FAM220A: variants seen among roughly 807,000 people sequenced by gnomAD.
FAM220A encodes the protein family with sequence similarity 220 member A.
For synonymous variants in FAM220A, 141 were observed against 130.7 expected (o/e 1.08, Z -0.54); for missense variants, 392 against 321.6 (o/e 1.22, Z -1.68).
intron 1 of FAM220A, among the ~76,000 whole-genome samples, chr7:6,339,265 G>A (rs1039796630): frequency 1.3e-5 from 2 of 151,902 alleles, no homozygotes; most frequent in East Asian, 3.9e-4. Context: ...CCTAGGAGCC[G>A]GAGACCAGCC....
intron 1 of FAM220A, among the ~76,000 whole-genome samples, chr7:6,335,241 A>T (rs554965550): frequency 2.1e-5 from 3 of 145,206 alleles, no homozygotes; most frequent in Non-Finnish European, 3.0e-5. Context: ...TTTTTTTTTT[A>T]AATGGAGTCT....
At chr7:6,343,528 G>C (rs370356482) in intron 1 of FAM220A, among the ~76,000 whole-genome samples, 47 of 149,268 alleles carry the variant, frequency 3.1e-4, no homozygotes, top group African/African-American at 1.1e-3. Context: ...AATTATAGCA[G>C]ATTCACAGTA....
chr7:6,345,040 G>A (rs1038608224), intron 1 of FAM220A, among the ~76,000 whole-genome samples: 22 of 151,722 alleles, frequency 1.5e-4, no homozygotes, highest in African/African-American at 5.1e-4. Flanking sequence ...CACCACGCCC[G>A]GCCACTGCGC....
intron 1 of FAM220A, among the ~76,000 whole-genome samples, chr7:6,333,413 A>C (rs753280330): frequency 6.6e-6 from 1 of 152,130 alleles, no homozygotes; most frequent in Non-Finnish European, 1.5e-5. Flanking sequence ...GAATAGACAC[A>C]CTAGTTAGGA....
chr7:6,344,789 G>A (rs1251814543), intron 1 of FAM220A, among the ~76,000 whole-genome samples: 1 of 152,028 alleles, frequency 6.6e-6, no homozygotes, highest in Admixed American at 6.6e-5. Flanking sequence ...TGCCCAGGCT[G>A]GAGTGCAATG....
Position 6,348,881 on chromosome 7 carries a change from C to A in FAM220A, c.-390G>T, listed in dbSNP as rs1051656585. On this transcript the variant is annotated 5_prime_UTR_variant, in exon 1 of 2. Coordinates refer to ENST00000313324, the MANE Select transcript of FAM220A (RefSeq NM_001037163.2). Reference sequence around the variant, plus strand: ...GGCGGCGGCTAGACCGGCGGGCGGGCGGGCCGCAGTGGAGCGGAGTCCGCA... The same window carrying A: ...GGCGGCGGCTAGACCGGCGGGCGGGAGGGCCGCAGTGGAGCGGAGTCCGCA... The A allele has an allele frequency of 1.8e-5, 7 of 388,362 alleles. No individual in the cohort carries two copies. Among genetic ancestry groups the A allele is most frequent in the African/African-American group, 1.2e-4 (6 of 48,178 alleles). The allele number at this position is 388,362 out of a possible 1,614,324, so 24.1% of individuals were successfully genotyped here.
chr7:6,333,883 T>G lies in FAM220A; in HGVS notation c.-81-2648A>C, dbSNP rs1178652284. On this transcript the variant is annotated intron_variant, in intron 1 of 1. Transcript: ENST00000313324. Reference sequence around the variant, plus strand: ...TTTTGAGACAGAGTCTTGCTCTTTTTTTGCCCAGGCTGGAGTGCAGTGGCG... The same window carrying G: ...TTTTGAGACAGAGTCTTGCTCTTTTGTTGCCCAGGCTGGAGTGCAGTGGCG... Among the ~76,000 whole-genome samples the G allele has an allele frequency of 2.6e-4, 38 of 147,080 alleles. No homozygotes were observed. The East Asian group carries it at 5.1e-3, about 20-fold the overall frequency.
At position 6,337,095 on chromosome 7, in the gene FAM220A, A is replaced by G. The variant is rs190042208; in HGVS notation, c.-81-5860T>C. On this transcript the variant is annotated intron_variant, in intron 1 of 1. Coordinates refer to ENST00000313324, the MANE Select transcript of FAM220A (RefSeq NM_001037163.2). ...ATTCTTTTTTTTTTTTTGAGACAAG[A>G]GTCTCTCTCTGTCTCGCCCAGGCTG... is the stretch of plus-strand genomic sequence containing the variant. Among the ~76,000 whole-genome samples, 562 of 148,474 alleles carry G rather than the reference A, an allele frequency of 3.8e-3. 3 individuals carry two copies. Among genetic ancestry groups the G allele is most frequent in the South Asian group, 0.013 (60 of 4,620 alleles).
At chr7:6,333,031 C>T (rs73339268) in intron 1 of FAM220A, among the ~76,000 whole-genome samples, 11,109 of 151,618 alleles carry the variant, frequency 0.073, 708 homozygotes, top group East Asian at 0.27. Flanking sequence ...CTGGCGGGTG[C>T]CTGTAATCCC....
In FAM220A at chr7:6,348,931, G is replaced by T. The variant is rs917131540; in HGVS notation, c.-440C>A. 6.8e-5 allele frequency: 26 copies of T among 382,926 alleles called. No homozygotes were observed. The highest frequency in any genetic ancestry group is 6.6e-4 in the Middle Eastern group (1 of 1,518). 23.7% of individuals were successfully genotyped at this position (382,926 alleles called of 1,614,324 possible). On this transcript the variant is annotated 5_prime_UTR_variant, in exon 1 of 2. Coordinates refer to ENST00000313324, the MANE Select transcript of FAM220A (RefSeq NM_001037163.2). ...ACGTCACGCTCGGAGAAGTGCCTCC[G>T]CGAGCAGCCGCCTGTACCAGCCTGG...
chr7:6,332,114 A>G (rs1310946161), intron 1 of FAM220A, among the ~76,000 whole-genome samples: 3 of 60,680 alleles, frequency 4.9e-5, no homozygotes, highest in East Asian at 8.3e-4. Context: ...CATCTCACGG[A>G]AAAAAAAAAA....
At chr7:6,332,796 T>G (rs1176003899) in intron 1 of FAM220A, among the ~76,000 whole-genome samples, 2 of 152,206 alleles carry the variant, frequency 1.3e-5, no homozygotes, top group East Asian at 3.8e-4. Context: ...GGTAGGAAAC[T>G]GCTGTTTCTC....
rs4724797 is a variant in FAM220A, at chr7:6,339,906, C to G, written c.-82+8667G>C. 3.1e-4 allele frequency among the ~76,000 whole-genome samples: 46 copies of G among 150,760 alleles called. 1 individual carries two copies. The East Asian group carries it at 7.1e-3, about 23-fold the overall frequency. Reference sequence around the variant, plus strand: ...CAGGCAACTGACTTTCCGCAGGGAGCATGAGTCTCACTCTGCCGCCCAGGC... The same window carrying G: ...CAGGCAACTGACTTTCCGCAGGGAGGATGAGTCTCACTCTGCCGCCCAGGC... On this transcript the variant is annotated intron_variant, in intron 1 of 1. Coordinates refer to ENST00000313324, the MANE Select transcript of FAM220A (RefSeq NM_001037163.2).
intron 1 of FAM220A, among the ~76,000 whole-genome samples, chr7:6,340,139 C>A (rs1018423919): frequency 6.6e-6 from 1 of 152,126 alleles, no homozygotes; most frequent in Non-Finnish European, 1.5e-5. Context: ...CCCGCCTCGG[C>A]CTCCCAAAGT....
chr7:6,339,155 C>G (rs746167084), intron 1 of FAM220A, among the ~76,000 whole-genome samples: 1 of 152,182 alleles, frequency 6.6e-6, no homozygotes, highest in African/African-American at 2.4e-5. Flanking sequence ...TCCTGCTACT[C>G]GCCACTTGGC....
chr7:6,343,029 G>A (rs550475018), intron 1 of FAM220A, among the ~76,000 whole-genome samples: 2 of 132,506 alleles, frequency 1.5e-5, no homozygotes, highest in Non-Finnish European at 3.2e-5. Context: ...AGAGGAAGAC[G>A]CTTTCTCAAA....
intron 1 of FAM220A, chr7:6,341,784 G>C (rs1033998317): frequency 6.6e-6 from 1 of 151,872 alleles, no homozygotes; most frequent in Non-Finnish European, 1.5e-5. Context: ...GATCACCTGA[G>C]GTCAGGGGTT....
intron 1 of FAM220A, among the ~76,000 whole-genome samples, chr7:6,343,094 T>C (rs1461852874): frequency 6.7e-6 from 1 of 148,694 alleles, no homozygotes; most frequent in Non-Finnish European, 1.5e-5. Context: ...AAGAAAAAAT[T>C]GGCCAGGTGC....
At chr7:6,334,217 T>C (rs1167078541) in intron 1 of FAM220A, among the ~76,000 whole-genome samples, 1 of 150,604 alleles carries the variant, frequency 6.6e-6, no homozygotes, top group Non-Finnish European at 1.5e-5. Context: ...TGTGTACCAC[T>C]GTACCCAGCT....
Sources: gnomAD v4.1 joint callset for allele counts (sites outside exome capture counted in the v4.1 genomes callset) on GRCh38, gnomAD v4.1.1 for gene constraint, MANE v1.5 for transcripts, NCBI Gene and HGNC (gene_info 2026-07-23, HGNC 2026-07-21) for gene names.